SPRED1: variants seen among roughly 807,000 people sequenced by gnomAD.
SPRED1 encodes sprouty-related, EVH1 domain-containing protein 1.
SPRED1 carries 18 observed loss-of-function variants against 52.3 expected under a neutral mutation model. The ratio of observed to expected loss-of-function variants is 0.34; its 90% CI spans 0.24 to 0.51. SPRED1 has a LOEUF of 0.51. Among genes scored for constraint, SPRED1 ranks in the 20% least tolerant of loss-of-function variants. The pLI is 0.97. For missense variants in SPRED1, 485 were observed against 551.0 expected (o/e 0.88, Z 1.20); for synonymous variants, 155 against 179.7 (o/e 0.86, Z 1.10).
At chr15:38,290,065 C>T (rs1314344834) in intron 1 of SPRED1, among the ~76,000 whole-genome samples, 2 of 152,118 alleles carry the variant, frequency 1.3e-5, no homozygotes, top group African/African-American at 4.8e-5. Context: ...GCCTCTGGAT[C>T]TTAGGCTTTC....
chr15:38,342,028 GTT>G (rs369153950), intron 5 of SPRED1, among the ~76,000 whole-genome samples: 1 of 107,640 alleles, frequency 9.3e-6, no homozygotes, highest in African/African-American at 3.0e-5. Flanking sequence ...TTGGGTTTGG[GTT>G]TTTTTTTTTT....
intron 1 of SPRED1, among the ~76,000 whole-genome samples, chr15:38,259,971 C>T (rs1462618445): frequency 6.6e-6 from 1 of 152,170 alleles, no homozygotes; most frequent in Non-Finnish European, 1.5e-5. Flanking sequence ...TCTTAAAATT[C>T]AGAGTGTTTG....
At chr15:38,334,716 A>C (rs1258449898) in intron 4 of SPRED1, among the ~76,000 whole-genome samples, 1 of 151,978 alleles carries the variant, frequency 6.6e-6, no homozygotes, top group African/African-American at 2.4e-5. Flanking sequence ...ATTTTTGACC[A>C]GTTCCCTGCT....
At chr15:38,255,521 A>G (rs899434774) in intron 1 of SPRED1, among the ~76,000 whole-genome samples, 9 of 152,196 alleles carry the variant, frequency 5.9e-5, no homozygotes, top group African/African-American at 2.2e-4. Flanking sequence ...ATTATATTAG[A>G]AAATAATGTG....
rs1359311169 is a variant in SPRED1 at position 38,253,124 on chromosome 15, G to C, written c.-62G>C. 4 of 1,506,188 alleles carry C rather than the reference G, an allele frequency of 2.7e-6. No homozygotes were observed. In the African/African-American group the frequency reaches 5.5e-5, roughly 21 times the overall value. 93.3% of individuals were successfully genotyped at this position (1,506,188 alleles called of 1,614,324 possible). The stretch of plus-strand genomic sequence containing the variant: ...CCGCTGCCTCCTGCCCCTCGGTGCT[G>C]CTGTTGCTCCCCCGCCTGCTGTTGC... On this transcript the variant is annotated 5_prime_UTR_variant, in exon 1 of 7. Transcript: ENST00000299084.
At chr15:38,302,939 G>A (rs982331528) in intron 2 of SPRED1, among the ~76,000 whole-genome samples, 1 of 152,088 alleles carries the variant, frequency 6.6e-6, no homozygotes, top group Admixed American at 6.6e-5. Context: ...CGAGGCAGGC[G>A]GATCACAAGG....
chr15:38,325,124 T>C (rs1439989526), intron 4 of SPRED1, among the ~76,000 whole-genome samples: 1 of 152,010 alleles, frequency 6.6e-6, no homozygotes, highest in Non-Finnish European at 1.5e-5. Flanking sequence ...TGAGCCACCG[T>C]GCCTGGCCCC....
chr15:38,310,153 G>GTGTGTGTGTGTGTTT (rs373463622), intron 2 of SPRED1, among the ~76,000 whole-genome samples: 4 of 132,264 alleles, frequency 3.0e-5, no homozygotes, highest in Non-Finnish European at 6.3e-5. Context: ...GTGTGTGTGT[G>GTGTGTGTGTGTGTTT]TTTGGAGACG....
chr15:38,332,972 C>CTTTTA (rs1895835083), intron 4 of SPRED1, among the ~76,000 whole-genome samples: 1 of 152,204 alleles, frequency 6.6e-6, no homozygotes, highest in Non-Finnish European at 1.5e-5. Flanking sequence ...CAGGACAGCA[C>CTTTTA]TCTGGAGTCT....
chr15:38,254,396 G>A (rs1210037392), intron 1 of SPRED1, among the ~76,000 whole-genome samples: 2 of 152,138 alleles, frequency 1.3e-5, no homozygotes, highest in African/African-American at 2.4e-5. Flanking sequence ...TGCTGAGCGG[G>A]TGTAGAAGGA....
chr15:38,304,355 A>G (rs1895208692), intron 2 of SPRED1, among the ~76,000 whole-genome samples: 1 of 152,190 alleles, frequency 6.6e-6, no homozygotes, highest in East Asian at 1.9e-4. Flanking sequence ...AATTGCCTTA[A>G]CTAACTTTTC....
chr15:38,356,628 AATTGT>A lies in SPRED1; in HGVS notation c.*4968_*4972del, dbSNP rs1888627660. On this transcript the variant is annotated 3_prime_UTR_variant, in exon 7 of 7. Coordinates refer to ENST00000299084, the MANE Select transcript of SPRED1 (RefSeq NM_152594.3). ...CTTAATAACATATTTATTCATCCTT[AATTGT>A]ATTCAGATTTTTTTTTAAGTCTCTA... 6.6e-6 allele frequency: 1 copy of A among 152,012 alleles called. No homozygotes were observed. Among genetic ancestry groups the A allele is most frequent in the Non-Finnish European group, 1.5e-5 (1 of 67,948 alleles). The allele number at this position is 152,012 out of a possible 1,614,324, so 9.4% of individuals were successfully genotyped here. A position where few individuals can be genotyped will look rare whatever the true frequency, so the allele number is the denominator to read the frequency against.
chr15:38,343,792 G>A (rs1002992687), intron 5 of SPRED1, among the ~76,000 whole-genome samples: 2 of 152,072 alleles, frequency 1.3e-5, no homozygotes, highest in Non-Finnish European at 2.9e-5. Flanking sequence ...CCTATTATGT[G>A]CTAGATACTG....
At chr15:38,261,986 A>G (rs1419267126) in intron 1 of SPRED1, among the ~76,000 whole-genome samples, 1 of 141,580 alleles carries the variant, frequency 7.1e-6, no homozygotes, top group South Asian at 2.3e-4. Flanking sequence ...ACTTCAGCAC[A>G]GTCACCAAAC....
chr15:38,303,784 G>A (rs1895196495), intron 2 of SPRED1, among the ~76,000 whole-genome samples: 1 of 152,060 alleles, frequency 6.6e-6, no homozygotes, highest in African/African-American at 2.4e-5. Context: ...TAGAAAGATA[G>A]GAATCTTTTA....
intron 2 of SPRED1, among the ~76,000 whole-genome samples, chr15:38,307,636 A>G (rs1257492371): frequency 6.6e-6 from 1 of 152,198 alleles, no homozygotes; most frequent in African/African-American, 2.4e-5. Context: ...CCTTCAGTCC[A>G]TAGTACTTCC....
At chr15:38,349,778 T>C (rs1888441745) in intron 6 of SPRED1, among the ~76,000 whole-genome samples, 1 of 152,208 alleles carries the variant, frequency 6.6e-6, no homozygotes, top group African/African-American at 2.4e-5. Context: ...AAATAAACTG[T>C]ATCTGTCACC....
At chr15:38,294,442 C>T (rs955095944) in intron 1 of SPRED1, among the ~76,000 whole-genome samples, 1 of 152,044 alleles carries the variant, frequency 6.6e-6, no homozygotes, top group Admixed American at 6.6e-5. Flanking sequence ...TCTTCGAGAA[C>T]GTGTTTCCTC....
chr15:38,286,616 A>G (rs1291071166), intron 1 of SPRED1, among the ~76,000 whole-genome samples: 2 of 151,148 alleles, frequency 1.3e-5, no homozygotes, highest in Admixed American at 6.6e-5. Context: ...ATTTTTAGGC[A>G]TGGTACCAAT....
Sources: gnomAD v4.1 joint callset for allele counts (sites outside exome capture counted in the v4.1 genomes callset) on GRCh38, gnomAD v4.1.1 for gene constraint, MANE v1.5 for transcripts, NCBI Gene and HGNC (gene_info 2026-07-23, HGNC 2026-07-21) for gene names.